The following RASIP1 variants were observed in gnomAD, a reference collection of about 807,000 sequenced individuals.
RASIP1 encodes Ras interacting protein 1, also known as ras-interacting protein 1.
Under a neutral mutation model 85.3 loss-of-function variants are expected in RASIP1, and 20 were observed. That is an observed-to-expected ratio of 0.23 (90% CI 0.17 to 0.34). RASIP1 has a LOEUF of 0.34. Ranked by LOEUF, RASIP1 falls within the 10% of genes least tolerant of loss-of-function variation. The pLI, the probability that RASIP1 is intolerant of heterozygous loss-of-function variation, is 1.00. For synonymous variants in RASIP1, 617 were observed against 647.1 expected, an observed-to-expected ratio of 0.95 and a Z score of 0.71; for missense variants, 1,170 against 1,390.9, an observed-to-expected ratio of 0.84 and a Z score of 2.53.
rs2122494457 is a variant in RASIP1 at position 48,740,272 on chromosome 19, C to G, written c.11G>C (p.Gly4Ala). 1.3e-6 allele frequency: 2 copies of G among 1,588,082 alleles called. No individual in the cohort carries two copies. Among genetic ancestry groups the G allele is most frequent in the Non-Finnish European group, 1.7e-6 (2 of 1,169,624 alleles). ...GGGGCTTCCGCCCTCCTTCCGTTCA[C>G]CAGACAGCATGGCCCTAAGGGAAGG... is the stretch of plus-strand genomic sequence containing the variant. MLSGERKEGGSPRF... is the reference protein window; with the variant it reads MLSAERKEGGSPRF... Residue 4 changes from glycine to alanine, a missense_variant, in exon 2 of 12, where the codon GGT becomes GCT. Coordinates refer to ENST00000222145, the MANE Select transcript of RASIP1 (RefSeq NM_017805.3). This position sits in a 1 kb window ranked among gnomAD's most constrained non-coding sequence, Gnocchi z 5.5.
chr19:48,727,765 CA>C (rs2033368869), intron 5 of RASIP1, among the ~76,000 whole-genome samples: 2 of 150,298 alleles, frequency 1.3e-5, no homozygotes, highest in Admixed American at 6.7e-5. Flanking sequence ...TGGCTCACTG[CA>C]ACCTCTGCCT....
intron 6 of RASIP1, 117 bp downstream of exon 6, chr19:48,727,276 T>C: frequency 6.5e-7 from 1 of 1,545,908 alleles, no homozygotes; most frequent in Non-Finnish European, 8.8e-7. Flanking sequence ...GCTGGAAAAG[T>C]TGAGCGCAAG....
intron 3 of RASIP1, 39 bp from the exon 4 acceptor site, chr19:48,735,590 A>G (rs1375932780): frequency 2.7e-5 from 40 of 1,466,584 alleles, no homozygotes; most frequent in Admixed American, 7.6e-5. Context: ...GAGCCTGGAA[A>G]GACAGGGATA....
In RASIP1 at chr19:48,721,842, A is replaced by G. The variant is rs1283357446; in HGVS notation, c.2692+12T>C. 3 of 1,600,256 alleles carry G rather than the reference A, an allele frequency of 1.9e-6. No individual in the cohort carries two copies. The highest frequency in any genetic ancestry group is 2.2e-5 in the South Asian group (2 of 90,002). ...GCTGACAGCCCCAATGCTGTATCCC[A>G]TTGCTCCTCACCTGTGTCCACAGCC... On this transcript the variant is annotated intron_variant, in intron 11 of 11. Transcript: ENST00000222145.
Position 48,729,347 on chromosome 19 carries a change from C to A in RASIP1, c.1423G>T (p.Asp475Tyr). ...LLREAELHPG[D>Y]LLGLGEHFLF... Reference sequence around the variant, plus strand: ...AAGTGCTCGCCCAGCCCCAGGAGGTCGCCCGGGTGCAGCTCAGCCTCCCGC... The same window carrying A: ...AAGTGCTCGCCCAGCCCCAGGAGGTAGCCCGGGTGCAGCTCAGCCTCCCGC... Residue 475 changes from aspartate to tyrosine, a missense_variant, in exon 5 of 12, where the codon GAC becomes TAC. Physicochemically the swap from Asp to Tyr is radical, Grantham distance 160. Coordinates refer to ENST00000222145, the MANE Select transcript of RASIP1 (RefSeq NM_017805.3). 1 of 1,559,712 alleles carries A rather than the reference C, an allele frequency of 6.4e-7. No individual in the cohort carries two copies. The highest frequency in any genetic ancestry group is 8.7e-7 in the Non-Finnish European group (1 of 1,152,516).
At chr19:48,736,757 G>A (rs1036930231) in intron 3 of RASIP1, among the ~76,000 whole-genome samples, 1 of 152,178 alleles carries the variant, frequency 6.6e-6, no homozygotes, top group Admixed American at 6.5e-5. Context: ...TGGCCAGGCT[G>A]GGCGCGGTGG....
At chr19:48,736,098 A>C (rs1018139273) in intron 3 of RASIP1, among the ~76,000 whole-genome samples, 1 of 151,094 alleles carries the variant, frequency 6.6e-6, no homozygotes, top group Admixed American at 6.6e-5. Context: ...CATGAGCCAC[A>C]GCGCCCAGCC....
At chr19:48,730,108 A>G (rs886466285) in intron 4 of RASIP1, among the ~76,000 whole-genome samples, 1 of 151,768 alleles carries the variant, frequency 6.6e-6, no homozygotes, top group African/African-American at 2.4e-5. Flanking sequence ...CTTCCCAGGC[A>G]CTTTGTATGG....
chr19:48,728,842 A>G, intron 5 of RASIP1, 95 bp downstream of exon 5: 2 of 1,275,858 alleles, frequency 1.6e-6, no homozygotes, highest in Non-Finnish European at 2.0e-6. Flanking sequence ...AGTAGTATCC[A>G]GCCCAGCTAT....
chr19:48,735,050 C>G, intron 4 of RASIP1, 146 bp downstream of exon 4: 1 of 697,402 alleles, frequency 1.4e-6, no homozygotes, highest in South Asian at 2.0e-5. Context: ...CTGTGAATCT[C>G]TACTCTGGAA....
In RASIP1 at chr19:48,729,570, C is replaced by T; in HGVS notation, c.1200G>A (p.Met400Ile). The change falls in exon 5 of 12, where the codon ATG (methionine) becomes ATA (isoleucine). Residue 400 changes from methionine (M) to isoleucine (I), a missense_variant. Physicochemically the swap from Met to Ile is conservative, Grantham distance 10. Transcript: ENST00000222145. ...GCCCAAACACGTGCTGCTCTCGCGT[C>T]ATCACATACACCACAAAGTCCTGGA... ...QDAQDFVVYV[M>I]TREQHVFGRG... is the part of the protein sequence containing the mutation. 1 of 1,599,818 alleles carries T rather than the reference C, an allele frequency of 6.3e-7. No homozygotes were observed. Among genetic ancestry groups the T allele is most frequent in the Non-Finnish European group, 8.5e-7 (1 of 1,173,650 alleles).
At chr19:48,732,129 T>C (rs373542593) in intron 4 of RASIP1, among the ~76,000 whole-genome samples, 4 of 151,398 alleles carry the variant, frequency 2.6e-5, no homozygotes, top group African/African-American at 7.3e-5. Flanking sequence ...TGCAGTGGCA[T>C]TATCTTGGTT....
At position 48,724,588 on chromosome 19, in the gene RASIP1, A is replaced by G; in HGVS notation, c.2372-79T>C. The G allele has an allele frequency of 2.5e-6, 4 of 1,575,362 alleles. No individual in the cohort carries two copies. The highest frequency in any genetic ancestry group is 2.6e-6 in the Non-Finnish European group (3 of 1,155,428). Reference sequence around the variant, plus strand: ...GCCTCCCAGACTCTTCCTATCCTTCAGCCTGGGATCTGGAGCTTGTTCTCC... The same window carrying G: ...GCCTCCCAGACTCTTCCTATCCTTCGGCCTGGGATCTGGAGCTTGTTCTCC... On this transcript the variant is annotated intron_variant, in intron 9 of 11. Coordinates refer to ENST00000222145, the MANE Select transcript of RASIP1 (RefSeq NM_017805.3). This position sits in a 1 kb window ranked among gnomAD's most constrained non-coding sequence, Gnocchi z 4.6.
chr19:48,737,048 C>T lies in RASIP1; in HGVS notation c.824-1497G>A, dbSNP rs1204112384. On this transcript the variant is annotated intron_variant, in intron 3 of 11. Transcript: ENST00000222145. The stretch of plus-strand genomic sequence containing the variant: ...AAGACTCCATCTCGAACAACAACGA[C>T]AACAACAACAAAAAAACAAAAAGGA... Among the ~76,000 whole-genome samples the T allele has an allele frequency of 2.0e-5, 3 of 152,028 alleles. No homozygotes were observed. The East Asian group carries it at 5.8e-4, about 29-fold the overall frequency.
At position 48,728,057 on chromosome 19, in the gene RASIP1, A is replaced by G. The variant is rs370992870; in HGVS notation, c.1834-627T>C. ...TTACTTTTTAAAACATACACACCCT[A>G]TGATTATGAGTGATCTAGCTCCTTC... On this transcript the variant is annotated intron_variant, in intron 5 of 11. Coordinates refer to ENST00000222145, the MANE Select transcript of RASIP1 (RefSeq NM_017805.3). 3.9e-5 allele frequency among the ~76,000 whole-genome samples: 6 copies of G among 152,064 alleles called. No homozygotes were observed. The East Asian group carries it at 9.6e-4, about 24-fold the overall frequency.
Position 48,729,545 on chromosome 19 carries a change from G to A in RASIP1, c.1225C>T (p.Arg409Ter), listed in dbSNP as rs778401168. The A allele has an allele frequency of 1.2e-6, 2 of 1,602,522 alleles. No homozygotes were observed. The highest frequency in any genetic ancestry group is 8.5e-7 in the Non-Finnish European group (1 of 1,174,966). ...VMTREQHVFGRGGNSSGRGGS... is the reference protein window; with the variant it reads ...VMTREQHVFG ...CCGCGGCCAGACGAGTTCCCACCTCGCCCAAACACGTGCTGCTCTCGCGTC... is the reference window on the plus strand; with the variant it reads ...CCGCGGCCAGACGAGTTCCCACCTCACCCAAACACGTGCTGCTCTCGCGTC... The change falls in exon 5 of 12, where the codon CGA (arginine) becomes TGA (stop). Residue 409 changes from arginine (R) to a stop codon, truncating the protein, a stop_gained. Coordinates refer to ENST00000222145, the MANE Select transcript of RASIP1 (RefSeq NM_017805.3). LOFTEE classifies it high-confidence loss of function.
intron 4 of RASIP1, 89 bp from the exon 5 acceptor site, chr19:48,729,679 T>G: frequency 7.3e-7 from 1 of 1,363,520 alleles, no homozygotes. Flanking sequence ...AACTTTTCTA[T>G]TCCCACCAAC....
chr19:48,729,596 G>A lies in RASIP1; in HGVS notation c.1180-6C>T. ...ATCACATACACCACAAAGTCCTGGA[G>A]GGGAAACGAGGATGCACTAAGGACA... On this transcript the variant is annotated splice_polypyrimidine_tract_variant and splice_region_variant and intron_variant, in intron 4 of 11. Coordinates refer to ENST00000222145, the MANE Select transcript of RASIP1 (RefSeq NM_017805.3). 3 of 1,585,206 alleles carry A rather than the reference G, an allele frequency of 1.9e-6. No homozygotes were observed. Among genetic ancestry groups the A allele is most frequent in the Non-Finnish European group, 2.6e-6 (3 of 1,165,934 alleles).
At chr19:48,737,743 T>C in intron 3 of RASIP1, 1 of 984,994 alleles carries the variant, frequency 1.0e-6, no homozygotes, top group Admixed American at 6.2e-5. Flanking sequence ...GCTCACCACA[T>C]GCCACCACTC....
Sources: allele counts gnomAD v4.1 joint callset (sites outside exome capture counted in the v4.1 genomes callset), GRCh38; gene constraint gnomAD v4.1.1; non-coding constraint Gnocchi (gnomAD v3.1); transcripts MANE v1.5; gene names NCBI Gene and HGNC (gene_info 2026-07-23, HGNC 2026-07-21).